The following INO80D variants were observed in gnomAD, a reference collection of about 807,000 sequenced individuals.
INO80D encodes the protein INO80 complex subunit D.
INO80D carries 21 observed loss-of-function variants against 87.6 expected under a neutral mutation model. That is an observed-to-expected ratio of 0.24 (90% confidence interval 0.17 to 0.35). The LOEUF (loss-of-function observed/expected upper bound fraction) is 0.35. INO80D is among the 10% of genes least tolerant of loss of function. INO80D has a pLI of 1.00. For synonymous variants in INO80D, 440 were observed against 491.0 expected (o/e 0.90, Z 1.37); for missense variants, 982 against 1,280.7 (o/e 0.77, Z 3.56).
intron 1 of INO80D, among the ~76,000 whole-genome samples, chr2:206,079,552 A>C (rs1457215066): frequency 6.6e-6 from 1 of 152,118 alleles, no homozygotes. Context: ...TTACCTCCTT[A>C]ACATGCCTCT....
Position 206,044,049 on chromosome 2 carries a change from C to T in INO80D, c.1073+2455G>A, listed in dbSNP as rs1429769766. On this transcript the variant is annotated intron_variant, in intron 5 of 10. Transcript: ENST00000403263. The stretch of plus-strand genomic sequence containing the variant: ...CTCTACAAAAAACTTAAAAATTAGC[C>T]AAATGTGGTGGTGCACACCTGTAGT... Among the ~76,000 whole-genome samples the T allele has an allele frequency of 2.6e-5, 4 of 151,904 alleles. No homozygotes were observed. The East Asian group carries it at 7.8e-4, about 30-fold the overall frequency.
At chr2:206,035,968 T>C (rs796631803) in intron 5 of INO80D, among the ~76,000 whole-genome samples, 12 of 151,862 alleles carry the variant, frequency 7.9e-5, no homozygotes, top group African/African-American at 2.9e-4. Flanking sequence ...GCAACAAACA[T>C]ATGAAAAAAT....
At chr2:206,025,542 A>AATATATATATATATATATATAT (rs1553616186) in intron 6 of INO80D, 21 of 76,914 alleles carry the variant, frequency 2.7e-4, no homozygotes, top group Admixed American at 4.1e-4. Context: ...AAAAAAAAAA[A>AATATATATATATATATATATAT]ATATATATAT....
At position 206,004,334 on chromosome 2, in the gene INO80D, G is replaced by T; in HGVS notation, c.*34C>A. 1 of 1,535,146 alleles carries T rather than the reference G, an allele frequency of 6.5e-7. No individual in the cohort carries two copies. On this transcript the variant is annotated 3_prime_UTR_variant, in exon 11 of 11. Transcript: ENST00000403263. This position sits in a 1 kb window ranked among gnomAD's most constrained non-coding sequence, Gnocchi z 4.9. Reference sequence around the variant, plus strand: ...GAGGAAACAAAGATAGAAAACACTGGGTTCCCCACCTGCCTGCAAACACAC... The same window carrying T: ...GAGGAAACAAAGATAGAAAACACTGTGTTCCCCACCTGCCTGCAAACACAC...
At chr2:206,041,266 G>A (rs979234486) in intron 5 of INO80D, among the ~76,000 whole-genome samples, 1 of 152,122 alleles carries the variant, frequency 6.6e-6, no homozygotes, top group Non-Finnish European at 1.5e-5. Flanking sequence ...AAAAAGCAGA[G>A]ATTGTCAGAA....
At chr2:206,050,853 C>T (rs1190780720) in intron 4 of INO80D, among the ~76,000 whole-genome samples, 1 of 151,912 alleles carries the variant, frequency 6.6e-6, no homozygotes, top group Admixed American at 6.6e-5. Context: ...CCTGTAGTCC[C>T]AACTACTCGG....
At chr2:206,033,999 T>C (rs1263335865) in intron 5 of INO80D, among the ~76,000 whole-genome samples, 5 of 152,022 alleles carry the variant, frequency 3.3e-5, no homozygotes, top group Non-Finnish European at 7.4e-5. Flanking sequence ...CTAGAAGAGA[T>C]GGATAAATGG....
chr2:206,018,245 A>G (rs817997), intron 7 of INO80D, among the ~76,000 whole-genome samples: 50,646 of 152,094 alleles, frequency 0.33, 9,014 homozygotes, highest in South Asian at 0.58. Context: ...GGTTCAAGCA[A>G]GTGATTCTCC....
intron 4 of INO80D, among the ~76,000 whole-genome samples, chr2:206,050,729 G>A (rs896476817): frequency 3.9e-5 from 6 of 152,118 alleles, no homozygotes; most frequent in African/African-American, 4.8e-5. Flanking sequence ...AGCACTTTGG[G>A]AGGCCGAGGC....
chr2:206,058,195 G>A (rs1030091637), intron 3 of INO80D, among the ~76,000 whole-genome samples: 5 of 149,060 alleles, frequency 3.4e-5, no homozygotes, highest in Admixed American at 6.7e-5. Flanking sequence ...CTGAGGCGGC[G>A]GACCACAAGG....
intron 6 of INO80D, among the ~76,000 whole-genome samples, chr2:206,023,193 C>T (rs976014657): frequency 6.6e-5 from 10 of 151,648 alleles, no homozygotes; most frequent in African/African-American, 2.4e-4. Context: ...AAGAGTGACA[C>T]TCCATCTCAA....
chr2:206,083,946 G>A (rs950099257), intron 1 of INO80D, among the ~76,000 whole-genome samples: 2 of 151,718 alleles, frequency 1.3e-5, no homozygotes, highest in African/African-American at 4.8e-5. Context: ...GACTGGCAGT[G>A]GGGGGTGGCA....
intron 5 of INO80D, among the ~76,000 whole-genome samples, chr2:206,037,621 G>C (rs1161159882): frequency 2.6e-5 from 4 of 152,096 alleles, no homozygotes; most frequent in African/African-American, 9.7e-5. Context: ...ACTGTTGGTG[G>C]GAATGTAATT....
chr2:206,005,825 AT>A (rs1365102652), intron 10 of INO80D, among the ~76,000 whole-genome samples: 1 of 152,194 alleles, frequency 6.6e-6, no homozygotes, highest in East Asian at 1.9e-4. Context: ...AGGATTACAA[AT>A]TTAAAGCTCA....
chr2:206,074,549 G>A (rs563586258), intron 1 of INO80D, among the ~76,000 whole-genome samples: 133 of 148,746 alleles, frequency 8.9e-4, no homozygotes, highest in Non-Finnish European at 1.6e-3. Flanking sequence ...GGGAGGCGGA[G>A]GTTGCAGTGA....
At position 206,017,808 on chromosome 2, in the gene INO80D, G is replaced by A; in HGVS notation, c.1414C>T (p.Leu472Phe). 6.3e-7 allele frequency: 1 copy of A among 1,599,830 alleles called. No homozygotes were observed. Among genetic ancestry groups the A allele is most frequent in the Non-Finnish European group, 8.5e-7 (1 of 1,176,638 alleles). ...AAGAGCTGCTGAGAGTGGTTCAAGAGGATATCTGGGTTTTTTTAAGTTAGG... is the reference window on the plus strand; with the variant it reads ...AAGAGCTGCTGAGAGTGGTTCAAGAAGATATCTGGGTTTTTTTAAGTTAGG... ...PFTRHCFQHI[L>F]LNHSQQLFSS... Residue 472 changes from leucine (L) to phenylalanine (F), a missense_variant, in exon 8 of 11, where the codon CTC becomes TTC. Physicochemically the swap from Leu to Phe is conservative, Grantham distance 22 (BLOSUM62 0). Coordinates refer to ENST00000403263, the MANE Select transcript of INO80D (RefSeq NM_017759.5).
intron 1 of INO80D, among the ~76,000 whole-genome samples, chr2:206,080,427 A>T (rs2105912744): frequency 6.6e-6 from 1 of 152,322 alleles, no homozygotes; most frequent in South Asian, 2.1e-4. Context: ...CCAATTCCAA[A>T]TTCAAACAGC....
chr2:206,017,306 G>T (rs34822408), intron 8 of INO80D, among the ~76,000 whole-genome samples: 7,558 of 152,152 alleles, frequency 0.05, 246 homozygotes, highest in Non-Finnish European at 0.072. Flanking sequence ...ATTCAAATCT[G>T]TCTCTCCTCC....
intron 8 of INO80D, among the ~76,000 whole-genome samples, chr2:206,016,681 C>T (rs1349810374): frequency 1.3e-5 from 2 of 152,170 alleles, no homozygotes; most frequent in African/African-American, 4.8e-5. Flanking sequence ...ATAATTCCCA[C>T]GTGTTGTGGG....
Sources: allele counts gnomAD v4.1 joint callset (sites outside exome capture counted in the v4.1 genomes callset), GRCh38; gene constraint gnomAD v4.1.1; non-coding constraint Gnocchi (gnomAD v3.1); transcripts MANE v1.5; gene names NCBI Gene and HGNC (gene_info 2026-07-23, HGNC 2026-07-21).